The following SLX4IP variants were observed in gnomAD, a reference collection of about 807,000 sequenced individuals.
SLX4IP encodes protein SLX4IP.
In SLX4IP, 34 loss-of-function variants were observed where a neutral mutation model predicts 32.9. The observed-to-expected ratio is 1.03, with a 90% CI of 0.79 to 1.38. The LOEUF is 1.38. Ranked by LOEUF, SLX4IP falls within the 40% of genes most tolerant of loss-of-function variation. The pLI is 0.00. For synonymous variants in SLX4IP, 172 were observed against 171.7 expected (o/e 1.00, Z -0.01); for missense variants, 444 against 479.0 (o/e 0.93, Z 0.68).
At chr20:10,451,352 G>A (rs898388511) in intron 1 of SLX4IP, among the ~76,000 whole-genome samples, 16 of 151,882 alleles carry the variant, frequency 1.1e-4, no homozygotes. Flanking sequence ...GTAGAGATGG[G>A]GTTTCACCAT....
chr20:10,571,961 A>G (rs7261220), intron 4 of SLX4IP, among the ~76,000 whole-genome samples: 20,267 of 152,106 alleles, frequency 0.13, 3,379 homozygotes, highest in African/African-American at 0.39. Context: ...CTCCAGGGAC[A>G]GGAAATACCT....
intron 2 of SLX4IP, among the ~76,000 whole-genome samples, chr20:10,503,452 T>A (rs1207569253): frequency 6.6e-6 from 1 of 152,226 alleles, no homozygotes; most frequent in Admixed American, 6.5e-5. Flanking sequence ...GTGGACCTGC[T>A]CTTTGGACCA....
At chr20:10,472,633 T>C (rs2065435259) in intron 2 of SLX4IP, among the ~76,000 whole-genome samples, 1 of 152,228 alleles carries the variant, frequency 6.6e-6, no homozygotes, top group Non-Finnish European at 1.5e-5. Flanking sequence ...ACCAGGGCCT[T>C]AAGATTGACC....
chr20:10,522,634 A>G (rs889878488), intron 2 of SLX4IP, among the ~76,000 whole-genome samples: 1 of 152,160 alleles, frequency 6.6e-6, no homozygotes, highest in Non-Finnish European at 1.5e-5. Context: ...TACCCTCATT[A>G]AAATGCCCTT....
intron 4 of SLX4IP, among the ~76,000 whole-genome samples, chr20:10,565,563 T>A (rs1373063874): frequency 6.6e-6 from 1 of 152,222 alleles, no homozygotes; most frequent in Non-Finnish European, 1.5e-5. Flanking sequence ...ATTTCATGGT[T>A]GTCTCCTAGT....
chr20:10,573,648 G>A (rs914165176), intron 4 of SLX4IP, among the ~76,000 whole-genome samples: 1 of 152,172 alleles, frequency 6.6e-6, no homozygotes, highest in Non-Finnish European at 1.5e-5. Context: ...CAGTCAAACT[G>A]CACAGCACAT....
At chr20:10,593,921 T>C (rs1459496352) in intron 4 of SLX4IP, among the ~76,000 whole-genome samples, 2 of 152,164 alleles carry the variant, frequency 1.3e-5, no homozygotes, top group Non-Finnish European at 2.9e-5. Flanking sequence ...ATCAGATCAG[T>C]GATACACATT....
chr20:10,459,249 A>G (rs2065315759), intron 2 of SLX4IP, among the ~76,000 whole-genome samples: 1 of 151,386 alleles, frequency 6.6e-6, no homozygotes, highest in Non-Finnish European at 1.5e-5. Context: ...TTCCTTGTAG[A>G]CTCTGGATAT....
chr20:10,455,611 A>ATTTATTTATTTT, intron 1 of SLX4IP, among the ~76,000 whole-genome samples: 1 of 148,680 alleles, frequency 6.7e-6, no homozygotes, highest in Non-Finnish European at 1.5e-5. Flanking sequence ...TTATTTATTT[A>ATTTATTTATTTT]TTTATTTATT....
intron 4 of SLX4IP, among the ~76,000 whole-genome samples, chr20:10,587,439 T>C (rs1287907453): frequency 6.6e-6 from 1 of 152,062 alleles, no homozygotes; most frequent in Non-Finnish European, 1.5e-5. Flanking sequence ...CCAGCAGCAG[T>C]ATTCAACACT....
chr20:10,604,338 C>T (rs1487026778), intron 6 of SLX4IP, among the ~76,000 whole-genome samples: 1 of 152,186 alleles, frequency 6.6e-6, no homozygotes, highest in Admixed American at 6.5e-5. Context: ...AGTACTTGAG[C>T]AACAGCCTGG....
At chr20:10,587,447 A>T (rs1035193745) in intron 4 of SLX4IP, among the ~76,000 whole-genome samples, 47 of 152,256 alleles carry the variant, frequency 3.1e-4, no homozygotes, top group African/African-American at 8.4e-4. Flanking sequence ...AGTATTCAAC[A>T]CTCTACTGGA....
chr20:10,508,145 C>G (rs1433301944), intron 2 of SLX4IP, among the ~76,000 whole-genome samples: 1 of 152,158 alleles, frequency 6.6e-6, no homozygotes, highest in African/African-American at 2.4e-5. Context: ...TGAGAGGACA[C>G]TTGGCAGGTT....
chr20:10,620,697 G>C (rs1039617170), intron 6 of SLX4IP, among the ~76,000 whole-genome samples: 2 of 152,124 alleles, frequency 1.3e-5, no homozygotes, highest in Non-Finnish European at 2.9e-5. Flanking sequence ...GGGACTACAG[G>C]CATCTGCCAC....
chr20:10,484,066 A>G (rs1179850334), intron 2 of SLX4IP, among the ~76,000 whole-genome samples: 1 of 152,062 alleles, frequency 6.6e-6, no homozygotes. Flanking sequence ...AAAAATATAC[A>G]CATTTACTCC....
rs55917751 is a variant in SLX4IP, at chr20:10,518,439, CTT to C, written c.28-37791_28-37790del. 6.8e-3 allele frequency among the ~76,000 whole-genome samples: 391 copies of C among 57,236 alleles called. 7 individuals are homozygous for C. The highest frequency in any genetic ancestry group is 0.022 in the African/African-American group (368 of 16,436). The allele number at this position is 57,236 out of a possible 152,430, so 37.5% of individuals were successfully genotyped here. A position where few individuals can be genotyped will look rare whatever the true frequency, so the allele number is the denominator to read the frequency against. On this transcript the variant is annotated intron_variant, in intron 2 of 7. Transcript: ENST00000334534. Reference sequence around the variant, plus strand: ...TCCTTCCTTCCCTCCCTCCCTCCTTCTTCCTTCCTTCCTTCCTTCCTTCCTTT... The same window carrying C: ...TCCTTCCTTCCCTCCCTCCCTCCTTCCCTTCCTTCCTTCCTTCCTTCCTTT...
At chr20:10,469,708 G>T (rs1251812017) in intron 2 of SLX4IP, among the ~76,000 whole-genome samples, 1 of 152,128 alleles carries the variant, frequency 6.6e-6, no homozygotes, top group Non-Finnish European at 1.5e-5. Context: ...GGGCATCATT[G>T]TTCCAATGTT....
chr20:10,492,117 C>T (rs751126551), intron 2 of SLX4IP, among the ~76,000 whole-genome samples: 6 of 152,172 alleles, frequency 3.9e-5, no homozygotes, highest in Admixed American at 1.3e-4. Flanking sequence ...TTTATTTACC[C>T]GTTTCTGCTG....
intron 4 of SLX4IP, among the ~76,000 whole-genome samples, chr20:10,570,088 G>A (rs1739040744): frequency 6.6e-6 from 1 of 152,132 alleles, no homozygotes; most frequent in Admixed American, 6.6e-5. Context: ...ACAGCTCTGG[G>A]GTGCACCACT....
Sources: gnomAD v4.1 joint callset for allele counts (sites outside exome capture counted in the v4.1 genomes callset) on GRCh38, gnomAD v4.1.1 for gene constraint, MANE v1.5 for transcripts, NCBI Gene and HGNC (gene_info 2026-07-23, HGNC 2026-07-21) for gene names.